Variants in RREB1 observed in about 807,000 individuals in gnomAD.
RREB1 encodes ras-responsive element-binding protein 1.
In RREB1, 27 loss-of-function variants were observed where a neutral mutation model predicts 117.8. The observed-to-expected ratio is 0.23, with a 90% confidence interval of 0.17 to 0.32. The LOEUF is 0.32. RREB1 is among the 10% of genes least tolerant of loss of function. The pLI is 1.00. For synonymous variants in RREB1, 1,298 were observed against 1,026.7 expected, an observed-to-expected ratio of 1.26 and a Z score of -5.05; for missense variants, 2,577 against 2,378.2, an observed-to-expected ratio of 1.08 and a Z score of -1.74.
chr6:7,175,195 G>C (rs897276814), intron 1 of RREB1, among the ~76,000 whole-genome samples: 5 of 152,094 alleles, frequency 3.3e-5, no homozygotes, highest in African/African-American at 1.2e-4. Context: ...AAAACTCCAC[G>C]GGTATTTTTC....
intron 6 of RREB1, among the ~76,000 whole-genome samples, chr6:7,209,642 T>C (rs938163693): frequency 5.3e-5 from 8 of 150,296 alleles, no homozygotes; most frequent in African/African-American, 1.7e-4. Flanking sequence ...GACATGGTCA[T>C]AGCTGACTGC....
At chr6:7,164,764 A>C (rs1208450188) in intron 1 of RREB1, among the ~76,000 whole-genome samples, 2 of 152,222 alleles carry the variant, frequency 1.3e-5, no homozygotes, top group Admixed American at 1.3e-4. Flanking sequence ...TCAGGCACAG[A>C]GTTAGGATTG....
chr6:7,116,567 A>C (rs1408748897), intron 1 of RREB1, among the ~76,000 whole-genome samples: 3 of 152,238 alleles, frequency 2.0e-5, no homozygotes, highest in African/African-American at 7.2e-5. Flanking sequence ...TGATACAAAA[A>C]TGAGAGTTTC....
At chr6:7,172,697 GGT>G (rs373230520) in intron 1 of RREB1, among the ~76,000 whole-genome samples, 6,237 of 147,414 alleles carry the variant, frequency 0.042, 138 homozygotes, top group Middle Eastern at 0.054. Context: ...GGTGTGGGGG[GGT>G]GGGGGTGACT....
chr6:7,167,349 A>ATTTTTTT (rs777728313), intron 1 of RREB1, among the ~76,000 whole-genome samples: 2 of 120,060 alleles, frequency 1.7e-5, no homozygotes, highest in African/African-American at 3.1e-5. Context: ...CTGGGACAGG[A>ATTTTTTT]TTTTTTTTTT....
chr6:7,115,924 C>T (rs1205206693), intron 1 of RREB1, among the ~76,000 whole-genome samples: 1 of 152,168 alleles, frequency 6.6e-6, no homozygotes, highest in East Asian at 1.9e-4. Context: ...AATGTTCGAT[C>T]AGTCACCAGG....
Position 7,149,170 on chromosome 6 carries a change from G to A in RREB1, c.-284-27485G>A, listed in dbSNP as rs139504392. On this transcript the variant is annotated intron_variant, in intron 1 of 12. Coordinates refer to ENST00000379938, the MANE Select transcript of RREB1 (RefSeq NM_001003699.4). ...ACTCCTGACCTCAGGTGATCTGCCC[G>A]CCTTGGCCTCCCAAAGTGCTGGAAT... Among the ~76,000 whole-genome samples the A allele has an allele frequency of 3.0e-3, 460 of 152,232 alleles. 3 individuals are homozygous for A. Among genetic ancestry groups the A allele is most frequent in the African/African-American group, 0.01 (431 of 41,542 alleles).
intron 4 of RREB1, 50 bp from the exon 5 acceptor site, chr6:7,187,384 T>C: frequency 8.4e-7 from 1 of 1,188,968 alleles, no homozygotes; most frequent in Non-Finnish European, 1.2e-6. Flanking sequence ...GAAAAGGCAC[T>C]TGTTGACTGT....
rs138820448 is a variant in RREB1 at position 7,243,970 on chromosome 6, A to G, written c.3974-2454A>G. Among the ~76,000 whole-genome samples the G allele has an allele frequency of 8.6e-4, 131 of 152,246 alleles. 1 individual carries two copies. Among genetic ancestry groups the G allele is most frequent in the African/African-American group, 3.1e-3 (129 of 41,558 alleles). ...GTAACCAGAGATTAAACCTTCTTTTAAAAATTACCAGTCGGGCGTGGTGGC... is the reference window on the plus strand; with the variant it reads ...GTAACCAGAGATTAAACCTTCTTTTGAAAATTACCAGTCGGGCGTGGTGGC... On this transcript the variant is annotated intron_variant, in intron 11 of 12. Coordinates refer to ENST00000379938, the MANE Select transcript of RREB1 (RefSeq NM_001003699.4).
Position 7,189,331 on chromosome 6 carries a change from G to C in RREB1, c.425+9G>C. The C allele has an allele frequency of 6.4e-7, 1 of 1,566,676 alleles. No individual in the cohort carries two copies. Among genetic ancestry groups the C allele is most frequent in the Non-Finnish European group, 8.7e-7 (1 of 1,153,138 alleles). The stretch of plus-strand genomic sequence containing the variant: ...AATGGGAACATGCACAGGTGGGTGA[G>C]GGCGCCCTTTGCTTGGGGGGTTGGC... On this transcript the variant is annotated intron_variant, in intron 6 of 12. Coordinates refer to ENST00000379938, the MANE Select transcript of RREB1 (RefSeq NM_001003699.4).
At chr6:7,219,894 C>T (rs1767136664) in intron 8 of RREB1, among the ~76,000 whole-genome samples, 1 of 152,178 alleles carries the variant, frequency 6.6e-6, no homozygotes, top group Non-Finnish European at 1.5e-5. Flanking sequence ...CTCTACTTCA[C>T]CCTACCCAGT....
chr6:7,173,104 G>A (rs575906542), intron 1 of RREB1, among the ~76,000 whole-genome samples: 1 of 152,292 alleles, frequency 6.6e-6, no homozygotes, highest in Non-Finnish European at 1.5e-5. Context: ...TGAGGGTGTT[G>A]TGGAGACTCT....
At chr6:7,243,730 C>T (rs1343668302) in intron 11 of RREB1, among the ~76,000 whole-genome samples, 1 of 152,130 alleles carries the variant, frequency 6.6e-6, no homozygotes, top group Non-Finnish European at 1.5e-5. Context: ...CATTGTACTC[C>T]GGGTGATCTC....
chr6:7,231,269 C>A lies in RREB1; in HGVS notation c.3170C>A (p.Pro1057His). The change falls in exon 10 of 13, where the codon CCC becomes CAC. Residue 1057 changes from proline (P) to histidine (H), a missense_variant. Transcript: ENST00000379938. ...CCCCCGCTGCTTTTGCCAAAGCCCC[C>A]CGTGACAGAAGAGCTGCCCCCGCTG... ...PKPPLLLPKPPVTEELPPLAS... is the reference protein window; with the variant it reads ...PKPPLLLPKPHVTEELPPLAS... 2 of 1,612,128 alleles carry A rather than the reference C, an allele frequency of 1.2e-6. No individual in the cohort carries two copies. Among genetic ancestry groups the A allele is most frequent in the Non-Finnish European group, 1.7e-6 (2 of 1,179,214 alleles).
chr6:7,143,903 A>G (rs1286966048), intron 1 of RREB1, among the ~76,000 whole-genome samples: 2 of 114,200 alleles, frequency 1.8e-5, no homozygotes, highest in Non-Finnish European at 3.5e-5. Flanking sequence ...AAATACCACC[A>G]TTTTGTCCAC....
chr6:7,229,363 G>T lies in RREB1; in HGVS notation c.1264G>T (p.Gly422Cys). 6.2e-7 allele frequency: 1 copy of T among 1,614,118 alleles called. No homozygotes were observed. The highest frequency in any genetic ancestry group is 8.5e-7 in the Non-Finnish European group (1 of 1,179,972). The change falls in exon 10 of 13, where the codon GGT becomes TGT. Residue 422 changes from glycine (G) to cysteine (C), a missense_variant. Gly to Cys is a radical substitution (Grantham distance 159, BLOSUM62 -3). Transcript: ENST00000379938. The surrounding 1 kb of genome is among the most constrained non-coding windows in gnomAD (Gnocchi z 4.5). The stretch of plus-strand genomic sequence containing the variant: ...ACCTTTCGAAGCTGCTTCCCTAGGC[G>T]GTTCTCTCACAGTTCTCCCCGCGAC... ...LSPFEAASLGGSLTVLPATKD... is the reference protein window; with the variant it reads ...LSPFEAASLGCSLTVLPATKD...
chr6:7,188,184 AAAAT>A (rs1160183353), intron 5 of RREB1, among the ~76,000 whole-genome samples: 2 of 151,784 alleles, frequency 1.3e-5, no homozygotes, highest in African/African-American at 2.4e-5. Flanking sequence ...AATAAATCTC[AAAAT>A]AAATAAATAA....
Position 7,240,431 on chromosome 6 carries a change from G to A in RREB1, c.3809-7G>A, listed in dbSNP as rs1378116874. 5.0e-6 allele frequency: 8 copies of A among 1,592,278 alleles called. No individual in the cohort carries two copies. The Admixed American group carries it at 1.4e-4, about 29-fold the overall frequency. ...CAGATAAATATATATTTTTTTTCCT[G>A]CTTCAGGTCAGAAACCCTTCCCTTG... is the stretch of plus-strand genomic sequence containing the variant. On this transcript the variant is annotated splice_polypyrimidine_tract_variant and splice_region_variant and intron_variant, in intron 10 of 12. Transcript: ENST00000379938.
chr6:7,111,809 A>C (rs1183647707), intron 1 of RREB1, among the ~76,000 whole-genome samples: 1 of 152,068 alleles, frequency 6.6e-6, no homozygotes, highest in Non-Finnish European at 1.5e-5. Context: ...TTCAGGTTGA[A>C]CCTTCCTGAG....
Sources: allele counts gnomAD v4.1 joint callset (sites outside exome capture counted in the v4.1 genomes callset), GRCh38; gene constraint gnomAD v4.1.1; non-coding constraint Gnocchi (gnomAD v3.1); transcripts MANE v1.5; gene names NCBI Gene and HGNC (gene_info 2026-07-23, HGNC 2026-07-21).